Variants in LOC400499 observed in about 807,000 individuals in gnomAD.
At chr16:11,472,140 A>C in the LOC400499 span, 1 of 233,096 alleles carries the variant, frequency 4.3e-6, no homozygotes, top group Non-Finnish European at 8.2e-6. Flanking sequence ...ATATTACCAA[A>C]TGTCTCCTGG....
the LOC400499 span, chr16:11,404,611 G>T: frequency 0.59 from 236,281 of 397,122 alleles, 71,612 homozygotes; most frequent in Admixed American, 0.71. Context: ...CCTCCCAAAG[G>T]GCTTGGATTA....
chr16:11,393,906 CTG>C, the LOC400499 span, among the ~76,000 whole-genome samples: 1 of 152,192 alleles, frequency 6.6e-6, no homozygotes, highest in African/African-American at 2.4e-5. Flanking sequence ...GGCAAAAACC[CTG>C]TCTCTACCAA....
At chr16:11,516,158 G>A in the LOC400499 span, 1 of 399,902 alleles carries the variant, frequency 2.5e-6, no homozygotes, top group South Asian at 1.3e-4. Context: ...AAAGGTCTTG[G>A]GGCTGTGGGC....
chr16:11,493,392 C>G, the LOC400499 span, among the ~76,000 whole-genome samples: 1 of 152,190 alleles, frequency 6.6e-6, no homozygotes, highest in African/African-American at 2.4e-5. Context: ...GGCCCGTAGT[C>G]TGCCAAACCC....
chr16:11,487,683 A>T, the LOC400499 span, among the ~76,000 whole-genome samples: 19 of 152,126 alleles, frequency 1.2e-4, no homozygotes, highest in African/African-American at 3.9e-4. Flanking sequence ...GTTGAAAGAG[A>T]TTCCCTTTTT....
At chr16:11,452,692 T>C in the LOC400499 span, among the ~76,000 whole-genome samples, 1 of 152,220 alleles carries the variant, frequency 6.6e-6, no homozygotes, top group Non-Finnish European at 1.5e-5. Context: ...GGGCCAGGGC[T>C]GGCTCCTGGG....
chr16:11,438,907 C>A, the LOC400499 span, among the ~76,000 whole-genome samples: 79 of 152,300 alleles, frequency 5.2e-4, no homozygotes, highest in African/African-American at 1.9e-3. Flanking sequence ...CCAGCCTGGG[C>A]AACATAGTGA....
the LOC400499 span, among the ~76,000 whole-genome samples, chr16:11,506,237 C>G: frequency 2.6e-4 from 40 of 152,156 alleles, no homozygotes; most frequent in African/African-American, 9.4e-4. Context: ...GTTGGCCAGG[C>G]TGGTCTTGAA....
chr16:11,506,268 G>A, the LOC400499 span, among the ~76,000 whole-genome samples: 1 of 151,774 alleles, frequency 6.6e-6, no homozygotes, highest in Admixed American at 6.6e-5. Context: ...CAGGTGATCT[G>A]CCCGCCTCAG....
chr16:11,491,654 G>GCCCCC, the LOC400499 span: 1 of 269,412 alleles, frequency 3.7e-6, no homozygotes, highest in Non-Finnish European at 6.9e-6. Context: ...TGCCCTCCCA[G>GCCCCC]CCCCACCCCT....
At chr16:11,420,431 C>T in the LOC400499 span, among the ~76,000 whole-genome samples, 1 of 92,312 alleles carries the variant, frequency 1.1e-5, no homozygotes, top group African/African-American at 4.5e-5. Flanking sequence ...ACATCACACT[C>T]GGGGGACTGT....
chr16:11,520,082 C>A, the LOC400499 span, among the ~76,000 whole-genome samples: 4 of 152,224 alleles, frequency 2.6e-5, no homozygotes, highest in African/African-American at 9.6e-5. Flanking sequence ...GGACTAGAGT[C>A]TGCAGGGTGG....
the LOC400499 span, chr16:11,396,405 G>C: frequency 9.1e-7 from 1 of 1,093,206 alleles, no homozygotes; most frequent in South Asian, 4.8e-5. Flanking sequence ...ATAGCCACTA[G>C]ATGGCGGGGC....
the LOC400499 span, among the ~76,000 whole-genome samples, chr16:11,468,659 G>A: frequency 2.0e-5 from 3 of 150,922 alleles, no homozygotes; most frequent in East Asian, 2.0e-4. Context: ...ACAGAGTCTC[G>A]CTCTGTCGCC....
chr16:11,454,608 G>T, the LOC400499 span, among the ~76,000 whole-genome samples: 1 of 152,198 alleles, frequency 6.6e-6, no homozygotes, highest in Non-Finnish European at 1.5e-5. Context: ...GGCAAGGGAG[G>T]GTTGTCCCCA....
At chr16:11,449,211 C>T in the LOC400499 span, 1 of 1,029,852 alleles carries the variant, frequency 9.7e-7, no homozygotes, top group Non-Finnish European at 1.3e-6. Context: ...CTCTTCATCC[C>T]TCAAAACCCC....
At chr16:11,389,743 G>C in the LOC400499 span, among the ~76,000 whole-genome samples, 3 of 149,424 alleles carry the variant, frequency 2.0e-5, no homozygotes, top group East Asian at 5.9e-4. Context: ...ATGTGACAGA[G>C]CCGAATGGCC....
chr16:11,500,443 G>A, the LOC400499 span, among the ~76,000 whole-genome samples: 1 of 151,978 alleles, frequency 6.6e-6, no homozygotes, highest in Admixed American at 6.6e-5. Flanking sequence ...CCCAGGAGGT[G>A]GAGGTTGCAG....
the LOC400499 span, among the ~76,000 whole-genome samples, chr16:11,377,056 T>C: frequency 6.6e-6 from 1 of 151,738 alleles, no homozygotes. Flanking sequence ...GAGGCTCAAG[T>C]GATCCTCCTG....
Sources: gnomAD v4.1 joint callset for allele counts (sites outside exome capture counted in the v4.1 genomes callset) on GRCh38, gnomAD v4.1.1 for gene constraint, MANE v1.5 for transcripts.